The following FAM120B variants were observed in gnomAD, a reference collection of about 807,000 sequenced individuals.
FAM120B encodes family with sequence similarity 120 member B, also known as constitutive coactivator of peroxisome proliferator-activated receptor gamma.
In FAM120B, 83 loss-of-function variants were observed where a neutral mutation model predicts 96.3. The observed-to-expected ratio is 0.86, with a 90% confidence interval of 0.72 to 1.03. The LOEUF is 1.03. Among genes scored for constraint, FAM120B ranks in the 50% least tolerant of loss-of-function variants. FAM120B has a pLI of 0.00. For missense variants in FAM120B, 1,027 were observed against 1,121.2 expected (o/e 0.92, Z 1.20); for synonymous variants, 407 against 402.7 (o/e 1.01, Z -0.13).
chr6:170,320,897 C>T (rs2054255137), intron 2 of FAM120B, among the ~76,000 whole-genome samples: 1 of 152,184 alleles, frequency 6.6e-6, no homozygotes, highest in African/African-American at 2.4e-5. Context: ...TCAGGAGTAT[C>T]ACATGCTACA....
upstream of FAM120B, chr6:170,291,164 T>G: frequency 1.4e-5 from 5 of 345,320 alleles, no homozygotes; most frequent in Non-Finnish European, 2.8e-5. Flanking sequence ...CAGCCCCCCC[T>G]TCCTCCCTCA....
chr6:170,390,906 T>G, intron 7 of FAM120B, 107 bp from the exon 8 acceptor site: 1 of 862,192 alleles, frequency 1.2e-6, no homozygotes, highest in Admixed American at 2.0e-5. Flanking sequence ...TGCCTCGCCT[T>G]GGGAACAGTG....
chr6:170,332,926 T>A (rs1035523286), intron 4 of FAM120B, among the ~76,000 whole-genome samples: 32 of 152,138 alleles, frequency 2.1e-4, no homozygotes, highest in Admixed American at 6.5e-5. Flanking sequence ...TTTTAAAGTC[T>A]TTTTCCTCTG....
At chr6:170,306,461 C>T (rs1270645188), upstream of FAM120B, 3 of 152,276 alleles carry the variant, frequency 2.0e-5, no homozygotes, top group African/African-American at 7.2e-5. Flanking sequence ...CCGTCCGGGC[C>T]GCAGGACAGT....
At chr6:170,371,778 C>G (rs567852682) in intron 6 of FAM120B, among the ~76,000 whole-genome samples, 2 of 152,270 alleles carry the variant, frequency 1.3e-5, no homozygotes, top group African/African-American at 2.4e-5. Context: ...CCATTCGTTC[C>G]GAGACAGGAA....
chr6:170,404,452 T>C, intron 9 of FAM120B, 98 bp from the exon 10 acceptor site: 2 of 1,046,868 alleles, frequency 1.9e-6, no homozygotes, highest in Non-Finnish European at 2.9e-6. Flanking sequence ...CAAATACAGC[T>C]CAGCATCTTT....
At chr6:170,320,780 C>T (rs1339684249) in intron 2 of FAM120B, among the ~76,000 whole-genome samples, 1 of 152,102 alleles carries the variant, frequency 6.6e-6, no homozygotes, top group Non-Finnish European at 1.5e-5. Context: ...ACTTAAGGAA[C>T]AGTCCACTGA....
intron 3 of FAM120B, among the ~76,000 whole-genome samples, chr6:170,329,653 T>G (rs1041864801): frequency 2.0e-4 from 31 of 152,274 alleles, no homozygotes; most frequent in African/African-American, 7.5e-4. Context: ...TTAGCGAATC[T>G]CTGTTGTCTC....
Position 170,391,085 on chromosome 6 carries a change from A to C in FAM120B, c.2563A>C (p.Ile855Leu). Residue 855 changes from isoleucine (I) to leucine (L), a missense_variant, in exon 8 of 11, where the codon ATC becomes CTC. Physicochemically the swap from Ile to Leu is conservative, Grantham distance 5. This residue lies in a region of FAM120B where 142 missense variants were observed against 122.5 expected (regional missense o/e 1.16). Coordinates refer to ENST00000476287, the MANE Select transcript of FAM120B (RefSeq NM_032448.3). ...CKACMKENRR[I>L]TGRAHWGSHH... The stretch of plus-strand genomic sequence containing the variant: ...GGCCTGCATGAAGGAGAACAGACGC[A>C]TCACTGGCCGAGCCCACTGGGGCTC... The C allele has an allele frequency of 3.7e-6, 6 of 1,614,220 alleles. No homozygotes were observed. Among genetic ancestry groups the C allele is most frequent in the Non-Finnish European group, 5.1e-6 (6 of 1,180,028 alleles).
At chr6:170,342,107 G>A (rs1786879022) in intron 4 of FAM120B, among the ~76,000 whole-genome samples, 1 of 152,226 alleles carries the variant, frequency 6.6e-6, no homozygotes, top group East Asian at 1.9e-4. Flanking sequence ...CAGCATGGGA[G>A]AAGGATGTAG....
At chr6:170,402,524 GC>G (rs1173896142) in intron 9 of FAM120B, among the ~76,000 whole-genome samples, 7 of 152,364 alleles carry the variant, frequency 4.6e-5, no homozygotes, top group South Asian at 2.1e-4. Context: ...CGCTGGCCCT[GC>G]TGAGTGAAGC....
At chr6:170,305,166 T>TG (rs201091902), upstream of FAM120B, among the ~76,000 whole-genome samples, 441 of 149,648 alleles carry the variant, frequency 2.9e-3, 7 homozygotes, top group African/African-American at 7.2e-3. Context: ...CCTATGAACT[T>TG]GGGGGGGGCG....
chr6:170,309,723 G>A (rs1305050926), intron 1 of FAM120B, among the ~76,000 whole-genome samples: 1 of 152,172 alleles, frequency 6.6e-6, no homozygotes, highest in African/African-American at 2.4e-5. Flanking sequence ...TAAAACCATG[G>A]CTAACTATGA....
intron 4 of FAM120B, among the ~76,000 whole-genome samples, chr6:170,335,301 T>C (rs1038269351): frequency 2.6e-5 from 4 of 151,674 alleles, no homozygotes; most frequent in Admixed American, 2.0e-4. Flanking sequence ...AGTGAGAACA[T>C]GCGGTGTTTG....
chr6:170,293,117 A>G (rs1325668775), upstream of FAM120B, among the ~76,000 whole-genome samples: 1 of 152,098 alleles, frequency 6.6e-6, no homozygotes, highest in Non-Finnish European at 1.5e-5. Context: ...GTTTCCTCCA[A>G]AAGCTGACTT....
intron 4 of FAM120B, among the ~76,000 whole-genome samples, chr6:170,339,298 A>C: frequency 6.6e-6 from 1 of 151,880 alleles, no homozygotes; most frequent in East Asian, 1.9e-4. Context: ...TGAAATTCTG[A>C]GTTGATTTGC....
upstream of FAM120B, among the ~76,000 whole-genome samples, chr6:170,304,673 T>C (rs750668190): frequency 1.3e-5 from 2 of 152,146 alleles, no homozygotes; most frequent in Non-Finnish European, 2.9e-5. Flanking sequence ...CAGCTCTGCT[T>C]CCTGCTCCCC....
chr6:170,294,803 AAGTCTGGAGACT>A (rs1285696308), upstream of FAM120B, among the ~76,000 whole-genome samples: 1 of 152,176 alleles, frequency 6.6e-6, no homozygotes, highest in African/African-American at 2.4e-5. The surrounding 1 kb of genome is among the most constrained non-coding windows in gnomAD (Gnocchi z 7.9). Flanking sequence ...CTGTGTAAAC[AAGTCTGGAGACT>A]TGAGTGGGGT....
intron 6 of FAM120B, among the ~76,000 whole-genome samples, chr6:170,381,441 A>G (rs896604756): frequency 6.6e-6 from 1 of 152,192 alleles, no homozygotes; most frequent in Non-Finnish European, 1.5e-5. Context: ...TCACTCGGTA[A>G]TTTACCATAT....
Sources: allele counts gnomAD v4.1 joint callset (sites outside exome capture counted in the v4.1 genomes callset), GRCh38; gene constraint gnomAD v4.1.1; regional missense constraint gnomAD v4.1.1; non-coding constraint Gnocchi (gnomAD v3.1); transcripts MANE v1.5; gene names NCBI Gene and HGNC (gene_info 2026-07-23, HGNC 2026-07-21).